Variants in PIWIL2 observed in about 807,000 individuals in gnomAD.
PIWIL2 encodes piwi-like protein 2.
A neutral mutation model predicts 116.5 loss-of-function variants in PIWIL2; 81 were observed. The observed-to-expected ratio is 0.70, with a 90% CI of 0.58 to 0.84. The LOEUF is 0.84. PIWIL2 is among the 40% of genes least tolerant of loss of function. The pLI is 0.00. For synonymous variants in PIWIL2, 489 were observed against 429.5 expected (o/e 1.14, Z -1.71); for missense variants, 1,272 against 1,212.3 (o/e 1.05, Z -0.73).
At chr8:22,317,993 T>C (rs1831504588) in intron 19 of PIWIL2, among the ~76,000 whole-genome samples, 177 bp from the exon 20 acceptor site, 1 of 152,190 alleles carries the variant, frequency 6.6e-6, no homozygotes, top group Non-Finnish European at 1.5e-5. Flanking sequence ...TGCATATGAC[T>C]TAAATATGTC....
intron 21 of PIWIL2, among the ~76,000 whole-genome samples, chr8:22,353,783 T>TTTTTTTTTTC (rs1832428092): frequency 7.9e-6 from 1 of 127,098 alleles, no homozygotes; most frequent in Non-Finnish European, 1.7e-5. Flanking sequence ...TTTTTTTTTT[T>TTTTTTTTTTC]TTTTTTTTTG....
intron 6 of PIWIL2, among the ~76,000 whole-genome samples, chr8:22,286,144 G>GACTTTGGC (rs1333581321): frequency 6.6e-6 from 1 of 152,200 alleles, no homozygotes; most frequent in Non-Finnish European, 1.5e-5. Flanking sequence ...GAAGGTGGTT[G>GACTTTGGC]ACTTTGGCCA....
intron 20 of PIWIL2, among the ~76,000 whole-genome samples, chr8:22,324,795 A>G (rs1831684397): frequency 1.4e-5 from 2 of 147,810 alleles, no homozygotes. Context: ...TTATGAAGAG[A>G]GGAAATTTAG....
At chr8:22,290,896 G>A (rs1254560880) in intron 10 of PIWIL2, among the ~76,000 whole-genome samples, 1 of 151,788 alleles carries the variant, frequency 6.6e-6, no homozygotes, top group Non-Finnish European at 1.5e-5. Flanking sequence ...AACTTGGTTT[G>A]ATATATGCGC....
intron 20 of PIWIL2, among the ~76,000 whole-genome samples, chr8:22,323,165 T>TTTGG (rs1831643428): frequency 1.4e-5 from 2 of 146,930 alleles, no homozygotes; most frequent in Non-Finnish European, 3.0e-5. Context: ...TTTTTTTTTT[T>TTTGG]GAGACAGAGT....
chr8:22,304,933 C>CATGAGGACGGCTAAAA, intron 12 of PIWIL2, 65 bp downstream of exon 12: 2 of 1,091,202 alleles, frequency 1.8e-6, no homozygotes, highest in Non-Finnish European at 2.8e-6. Flanking sequence ...TGCTTTTAGC[C>CATGAGGACGGCTAAAA]GTCCTCATGG....
At chr8:22,334,109 G>T (rs1046640861) in intron 20 of PIWIL2, among the ~76,000 whole-genome samples, 1 of 151,602 alleles carries the variant, frequency 6.6e-6, no homozygotes, top group Admixed American at 6.6e-5. Context: ...GAGTAGCTTG[G>T]ATTACAGGCA....
intron 20 of PIWIL2, among the ~76,000 whole-genome samples, chr8:22,346,844 T>A (rs1832238362): frequency 6.6e-6 from 1 of 152,114 alleles, no homozygotes; most frequent in African/African-American, 2.4e-5. Context: ...TTCAGGTGTT[T>A]GAGACCAGCT....
chr8:22,303,766 A>T (rs1292822169), intron 10 of PIWIL2, among the ~76,000 whole-genome samples: 1 of 152,066 alleles, frequency 6.6e-6, no homozygotes, highest in Non-Finnish European at 1.5e-5. Flanking sequence ...CACCAAGGAA[A>T]TAAGGTATCA....
At chr8:22,338,855 C>G (rs1207511457) in intron 20 of PIWIL2, among the ~76,000 whole-genome samples, 1 of 152,048 alleles carries the variant, frequency 6.6e-6, no homozygotes, top group Non-Finnish European at 1.5e-5. Context: ...AGCAGATACT[C>G]AAATTCATAT....
chr8:22,288,812 G>C, intron 8 of PIWIL2, 146 bp downstream of exon 8: 1 of 632,972 alleles, frequency 1.6e-6, no homozygotes. Context: ...TGGTATTGAG[G>C]CTAACTTACT....
intron 4 of PIWIL2, 101 bp downstream of exon 4, chr8:22,281,616 A>C: frequency 1.0e-6 from 1 of 981,176 alleles, no homozygotes; most frequent in Non-Finnish European, 1.5e-6. Flanking sequence ...CTCATAATCA[A>C]TGTCTGGTTT....
intron 20 of PIWIL2, among the ~76,000 whole-genome samples, chr8:22,344,877 G>A (rs1055218274): frequency 2.0e-5 from 3 of 151,980 alleles, no homozygotes; most frequent in Admixed American, 2.0e-4. Context: ...CCCTTTTAAA[G>A]AAAAGATTAA....
intron 20 of PIWIL2, among the ~76,000 whole-genome samples, chr8:22,322,213 T>C (rs780800584): frequency 5.9e-5 from 9 of 152,260 alleles, no homozygotes; most frequent in Middle Eastern, 3.4e-3. Flanking sequence ...CTTCTCCTTT[T>C]TCTGTAACTA....
intron 20 of PIWIL2, among the ~76,000 whole-genome samples, chr8:22,336,453 T>C (rs980512564): frequency 6.6e-6 from 1 of 151,972 alleles, no homozygotes; most frequent in African/African-American, 2.4e-5. Context: ...ATACAACATA[T>C]CAAAATTTAT....
chr8:22,289,068 T>C (rs936492729), intron 8 of PIWIL2, among the ~76,000 whole-genome samples: 2 of 152,252 alleles, frequency 1.3e-5, no homozygotes, highest in African/African-American at 4.8e-5. Flanking sequence ...ATTGTTTAAC[T>C]TCTTTTGAAA....
chr8:22,323,879 A>G (rs551759983), intron 20 of PIWIL2, among the ~76,000 whole-genome samples: 13 of 152,230 alleles, frequency 8.5e-5, no homozygotes, highest in Non-Finnish European at 1.5e-4. Flanking sequence ...TCTCAGTAAC[A>G]TGGCTTTACC....
At chr8:22,321,501 A>G (rs553065368) in intron 20 of PIWIL2, among the ~76,000 whole-genome samples, 1 of 152,246 alleles carries the variant, frequency 6.6e-6, no homozygotes, top group African/African-American at 2.4e-5. Context: ...ACCTAGTGGA[A>G]GGAATCTTTG....
chr8:22,291,496 A>G (rs551860950), intron 10 of PIWIL2, among the ~76,000 whole-genome samples: 3 of 152,314 alleles, frequency 2.0e-5, no homozygotes, highest in East Asian at 1.9e-4. Flanking sequence ...CATCTTACAC[A>G]TAAGTCTGTA....
Sources: gnomAD v4.1 joint callset for allele counts (sites outside exome capture counted in the v4.1 genomes callset) on GRCh38, gnomAD v4.1.1 for gene constraint, MANE v1.5 for transcripts, NCBI Gene and HGNC (gene_info 2026-07-23, HGNC 2026-07-21) for gene names.